The following MGA variants were observed in gnomAD, a reference collection of about 807,000 sequenced individuals.
MGA encodes MAX dimerization protein MGA.
A neutral mutation model predicts 261.1 loss-of-function variants in MGA; 40 were observed. That is an observed-to-expected ratio of 0.15 (90% CI 0.12 to 0.20). The LOEUF is 0.20. Ranked by LOEUF, MGA falls within the 10% of genes least tolerant of loss-of-function variation. The pLI is 1.00. For synonymous variants in MGA, 1,302 were observed against 1,290.6 expected, an observed-to-expected ratio of 1.01 and a Z score of -0.19; for missense variants, 3,397 against 3,630.5, an observed-to-expected ratio of 0.94 and a Z score of 1.65.
chr15:41,762,460 G>GTTTTTTTTTTTTTTTTTTTTTTTTTTTTT (rs1491528643), intron 22 of MGA, 98 bp downstream of exon 22: 1 of 190,268 alleles, frequency 5.3e-6, no homozygotes, highest in African/African-American at 4.2e-5. Context: ...AGTTTTGTGT[G>GTTTTTTTTTTTTTTTTTTTTTTTTTTTTT]GTTTTTTTTT....
chr15:41,734,481 T>C, intron 11 of MGA, 41 bp from the exon 12 acceptor site: 1 of 1,470,586 alleles, frequency 6.8e-7, no homozygotes, highest in African/African-American at 1.4e-5. Context: ...GTATTGAATA[T>C]ATGTTAAGTT....
At chr15:41,652,354 C>T (rs1369622331) in intron 1 of MGA, among the ~76,000 whole-genome samples, 1 of 133,724 alleles carries the variant, frequency 7.5e-6, no homozygotes, top group Non-Finnish European at 1.6e-5. Context: ...CTCTCCTCTT[C>T]CCTCTCCCTT....
chr15:41,749,811 A>T lies in MGA; in HGVS notation c.6204A>T (p.Glu2068Asp), dbSNP rs761097786. The stretch of plus-strand genomic sequence containing the variant: ...AAGATTATAAAGATGTTAATGAAGA[A>T]TATGGGGCTAGGAATCGTAAGAGTT... The change falls in exon 17 of 24, where the codon GAA becomes GAT. Residue 2068 changes from glutamate (E) to aspartate (D), a missense_variant. Glu to Asp is a conservative substitution (Grantham distance 45, BLOSUM62 2). This residue lies in a region of MGA where 1,410 missense variants were observed against 1,386.4 expected (regional missense o/e 1.02). Transcript: ENST00000219905. 1 of 1,613,998 alleles carries T rather than the reference A, an allele frequency of 6.2e-7. No individual in the cohort carries two copies. The highest frequency in any genetic ancestry group is 1.3e-5 in the African/African-American group (1 of 75,044).
At position 41,736,545 on chromosome 15, in the gene MGA, G is replaced by A. The variant is rs369382442; in HGVS notation, c.4281G>A (p.Glu1427=). 48 of 1,613,914 alleles carry A rather than the reference G, an allele frequency of 3.0e-5. No individual in the cohort carries two copies. The highest frequency in any genetic ancestry group is 1.7e-6 in the Non-Finnish European group (2 of 1,179,910). ...GTCCATTGTCCCCTGGGAAAATGGA[G>A]GATATCTCTCCTGTGCAGACAGATG... The change falls in exon 13 of 24, where the codon GAG becomes GAA. Residue 1427 remains glutamate, a synonymous_variant. Coordinates refer to ENST00000219905, the MANE Select transcript of MGA (RefSeq NM_001164273.2).
chr15:41,761,536 C>T (rs1237850745), intron 20 of MGA, among the ~76,000 whole-genome samples: 1 of 152,200 alleles, frequency 6.6e-6, no homozygotes, highest in East Asian at 1.9e-4. Context: ...ATCATGGTCA[C>T]ATTCCTTAAA....
At position 41,749,711 on chromosome 15, in the gene MGA, A is replaced by G; in HGVS notation, c.6104A>G (p.Glu2035Gly). The G allele has an allele frequency of 6.2e-7, 1 of 1,614,004 alleles. No homozygotes were observed. The highest frequency in any genetic ancestry group is 8.5e-7 in the Non-Finnish European group (1 of 1,179,892). Reference sequence around the variant, plus strand: ...GATAGGGGTGATCATTTGGATGAAGAATGCCTTCCAGAAGAAGGTTGTGCA... The same window carrying G: ...GATAGGGGTGATCATTTGGATGAAGGATGCCTTCCAGAAGAAGGTTGTGCA... The change falls in exon 17 of 24, where the codon GAA becomes GGA. Residue 2035 changes from glutamate (E) to glycine (G), a missense_variant. Physicochemically the swap from Glu to Gly is moderately conservative, Grantham distance 98. Around this residue, in one of 9 missense-constraint regions of MGA, gnomAD observed 1,410 missense variants for 1,386.4 expected, o/e 1.02. Transcript: ENST00000219905.
chr15:41,730,288 A>C (rs564816563), intron 11 of MGA, among the ~76,000 whole-genome samples: 2 of 152,038 alleles, frequency 1.3e-5, no homozygotes, highest in Non-Finnish European at 2.9e-5. Context: ...AAACACAAAA[A>C]ATTAGCCGGG....
chr15:41,754,463 T>G lies in MGA; in HGVS notation c.7035T>G (p.Asp2345Glu). Residue 2345 changes from aspartate to glutamate, a missense_variant, in exon 18 of 24, where the codon GAT becomes GAG. Coordinates refer to ENST00000219905, the MANE Select transcript of MGA (RefSeq NM_001164273.2). ...ATAACTGTGTAGAATACATTGAGGATGATGAGGAGCACGTGGACATTGAGA... is the reference window on the plus strand; with the variant it reads ...ATAACTGTGTAGAATACATTGAGGAGGATGAGGAGCACGTGGACATTGAGA... 1 of 1,555,986 alleles carries G rather than the reference T, an allele frequency of 6.4e-7. No individual in the cohort carries two copies. Among genetic ancestry groups the G allele is most frequent in the Non-Finnish European group, 8.7e-7 (1 of 1,149,030 alleles).
At chr15:41,657,646 G>A (rs1038119630), upstream of MGA, among the ~76,000 whole-genome samples, 6 of 149,922 alleles carry the variant, frequency 4.0e-5, no homozygotes, top group African/African-American at 1.2e-4. Flanking sequence ...CTGAGCCACC[G>A]CACCTGGCCG....
rs776096439 is a variant in MGA, at chr15:41,766,111, G to C, written c.8029G>C (p.Asp2677His). Residue 2677 changes from aspartate (D) to histidine (H), a missense_variant, in exon 24 of 24, where the codon GAT becomes CAT. This residue lies in a region of MGA where 647 missense variants were observed against 642.4 expected (regional missense o/e 1.01). Transcript: ENST00000219905. ...CAGCAAATATCCTCATGAAGTTCCT[G>C]ATAGCAAGCCATCTGACCATCTGAA... 2 of 1,613,902 alleles carry C rather than the reference G, an allele frequency of 1.2e-6. No individual in the cohort carries two copies. The highest frequency in any genetic ancestry group is 2.2e-5 in the South Asian group (2 of 91,094).
At chr15:41,695,242 G>T in intron 2 of MGA, among the ~76,000 whole-genome samples, 1 of 151,564 alleles carries the variant, frequency 6.6e-6, no homozygotes, top group Non-Finnish European at 1.5e-5. Context: ...CAGGCTGGAG[G>T]CAGTGGCACA....
intron 1 of MGA, among the ~76,000 whole-genome samples, chr15:41,647,274 C>T (rs865817460): frequency 1.3e-5 from 2 of 152,222 alleles, no homozygotes; most frequent in African/African-American, 4.8e-5. Context: ...CAGAGCCCCA[C>T]TTCTCTATGT....
chr15:41,653,453 G>T (rs368950682), intron 1 of MGA, among the ~76,000 whole-genome samples: 1 of 151,628 alleles, frequency 6.6e-6, no homozygotes, highest in Admixed American at 6.6e-5. Context: ...CCAGTGGTTA[G>T]ATCACAGCTA....
At chr15:41,686,599 A>G (rs982987055) in intron 2 of MGA, among the ~76,000 whole-genome samples, 2 of 151,990 alleles carry the variant, frequency 1.3e-5, no homozygotes, top group Admixed American at 6.6e-5. Flanking sequence ...TGTATTTTTT[A>G]TAGCATGTTG....
chr15:41,711,415 GA>G, intron 8 of MGA, 66 bp downstream of exon 8: 1 of 1,460,624 alleles, frequency 6.8e-7, no homozygotes, highest in Admixed American at 2.3e-5. Context: ...TTAGTGAGGG[GA>G]AATGGGAATG....
In MGA at chr15:41,761,734, T is replaced by C; in HGVS notation, c.7399-5T>C. 1 of 1,555,272 alleles carries C rather than the reference T, an allele frequency of 6.4e-7. No homozygotes were observed. The highest frequency in any genetic ancestry group is 8.8e-7 in the Non-Finnish European group (1 of 1,138,872). On this transcript the variant is annotated splice_polypyrimidine_tract_variant and splice_region_variant and intron_variant, in intron 20 of 23. Transcript: ENST00000219905. The stretch of plus-strand genomic sequence containing the variant: ...TTTTCAATAATACCACTATTTGTAT[T>C]CTAGGCCTTCAGTGAAATTCAGGGA...
chr15:41,700,403 C>T (rs962854715), intron 5 of MGA, among the ~76,000 whole-genome samples: 7 of 152,050 alleles, frequency 4.6e-5, no homozygotes, highest in Admixed American at 2.0e-4. Flanking sequence ...TGCTCTCCCT[C>T]CCCACCAACA....
chr15:41,663,512 T>G (rs777718818), intron 1 of MGA, among the ~76,000 whole-genome samples: 2 of 152,138 alleles, frequency 1.3e-5, no homozygotes, highest in Non-Finnish European at 2.9e-5. Context: ...GTTATTATTT[T>G]GAGACCGAGT....
upstream of MGA, among the ~76,000 whole-genome samples, chr15:41,656,427 TG>T (rs2057197007): frequency 1.3e-5 from 2 of 149,078 alleles, no homozygotes; most frequent in South Asian, 4.3e-4. Context: ...CTGCAACCTC[TG>T]CCCCCTGGGC....
Sources: gnomAD v4.1 joint callset for allele counts (sites outside exome capture counted in the v4.1 genomes callset) on GRCh38, gnomAD v4.1.1 for gene constraint, gnomAD v4.1.1 regional missense constraint, MANE v1.5 for transcripts, NCBI Gene and HGNC (gene_info 2026-07-23, HGNC 2026-07-21) for gene names.